MYH3: variants seen among roughly 807,000 people sequenced by gnomAD.
MYH3 encodes myosin heavy chain 3.
Under a neutral mutation model 238.0 loss-of-function variants are expected in MYH3, and 130 were observed. The ratio of observed to expected loss-of-function variants is 0.55; its 90% CI spans 0.47 to 0.63. The LOEUF is 0.63. Among genes scored for constraint, MYH3 ranks in the 30% least tolerant of loss-of-function variants. The pLI, the probability that MYH3 is intolerant of heterozygous loss-of-function variation, is 0.00. For synonymous variants in MYH3, 880 were observed against 924.1 expected (o/e 0.95, Z 0.86); for missense variants, 1,853 against 2,374.9 (o/e 0.78, Z 4.57).
upstream of MYH3, among the ~76,000 whole-genome samples, chr17:10,660,480 C>T (rs915802246): frequency 1.3e-5 from 2 of 148,708 alleles, no homozygotes; most frequent in African/African-American, 5.0e-5. Context: ...TCGATACCAT[C>T]CTGGCTAACA....
At chr17:10,663,822 G>C in the MYH3 span, among the ~76,000 whole-genome samples, 3 of 152,172 alleles carry the variant, frequency 2.0e-5, no homozygotes, top group Admixed American at 6.5e-5. Flanking sequence ...CAGCACTTTG[G>C]GAGGCCGAGA....
rs1198015651 is a variant in MYH3, at chr17:10,640,679, C to T, written c.2173G>A (p.Val725Met). 1.2e-6 allele frequency: 2 copies of T among 1,614,134 alleles called. No individual in the cohort carries two copies. The highest frequency in any genetic ancestry group is 2.2e-5 in the South Asian group (2 of 91,084). Residue 725 changes from valine to methionine, a missense_variant, in exon 20 of 41, where the codon GTG becomes ATG. Physicochemically the swap from Val to Met is conservative, Grantham distance 21. Transcript: ENST00000583535. ...LYGDFKQRYRVLNASAIPEGQ... is the reference protein window; with the variant it reads ...LYGDFKQRYRMLNASAIPEGQ... ...TCAGGGATTGCACTGGCATTCAGCACTCGGTATCTGCATTGTAGACATGGA... is the reference window on the plus strand; with the variant it reads ...TCAGGGATTGCACTGGCATTCAGCATTCGGTATCTGCATTGTAGACATGGA...
chr17:10,634,593 G>C (rs2074195725), intron 31 of MYH3, among the ~76,000 whole-genome samples: 1 of 152,164 alleles, frequency 6.6e-6, no homozygotes, highest in African/African-American at 2.4e-5. Flanking sequence ...AAATGCTTAG[G>C]ACTGCACGGA....
intron 34 of MYH3, 27 bp downstream of exon 34, chr17:10,632,449 G>GT: frequency 6.2e-7 from 1 of 1,608,052 alleles, no homozygotes; most frequent in Non-Finnish European, 8.5e-7. Context: ...GAGGAGAGAG[G>GT]TTTTTCCCCG....
chr17:10,635,344 T>C (rs2074203715), intron 30 of MYH3, 23 bp downstream of exon 30: 1 of 1,613,920 alleles, frequency 6.2e-7, no homozygotes, highest in South Asian at 1.1e-5. Context: ...GTAGTTCTTC[T>C]AAAAGCAAAC....
intron 36 of MYH3, 135 bp downstream of exon 36, chr17:10,631,476 G>T: frequency 7.8e-7 from 1 of 1,289,038 alleles, no homozygotes; most frequent in Non-Finnish European, 1.1e-6. Context: ...GGGAGTTTGA[G>T]CGGAGATGGG....
At chr17:10,652,142 C>G in intron 4 of MYH3, 1 of 491,868 alleles carries the variant, frequency 2.0e-6, no homozygotes, top group Non-Finnish European at 3.7e-6. Flanking sequence ...AGGGGAGTGG[C>G]GACCCTCCCA....
Position 10,638,465 on chromosome 17 carries a change from T to C in MYH3, c.3340-33A>G, listed in dbSNP as rs761382133. The C allele has an allele frequency of 6.3e-6, 10 of 1,599,370 alleles. No individual in the cohort carries two copies. The East Asian group carries it at 2.0e-4, about 32-fold the overall frequency. The stretch of plus-strand genomic sequence containing the variant: ...GGGCAGCCGTTCACCCCGTGGGCAG[T>C]GGGTTCACCGCGGGGACTCTGATTG... On this transcript the variant is annotated intron_variant, in intron 26 of 40. Transcript: ENST00000583535.
chr17:10,641,875 T>G (rs1228237511), intron 17 of MYH3, among the ~76,000 whole-genome samples: 2 of 152,114 alleles, frequency 1.3e-5, no homozygotes, highest in Non-Finnish European at 2.9e-5. Flanking sequence ...TACAATTGTC[T>G]TTTGTCTCCC....
Position 10,654,889 on chromosome 17 carries a change from T to A in MYH3, c.176A>T (p.Lys59Met). 1 of 1,614,190 alleles carries A rather than the reference T, an allele frequency of 6.2e-7. No homozygotes were observed. Among genetic ancestry groups the A allele is most frequent in the Non-Finnish European group, 8.5e-7 (1 of 1,180,020 alleles). The change falls in exon 3 of 41, where the codon AAG becomes ATG. Residue 59 changes from lysine (K) to methionine (M), a missense_variant. Lys to Met is a moderately conservative substitution (Grantham distance 95, BLOSUM62 -1). Transcript: ENST00000583535. This position sits in a 1 kb window ranked among gnomAD's most constrained non-coding sequence, Gnocchi z 4.5. ...KGKIKSSQDG[K>M]VTVETEDNRT... is the part of the protein sequence containing the mutation. ...GTTGTCCTCAGTTTCCACAGTGACCTTCCCATCCTGAGAACTCTTGATTTT... is the reference window on the plus strand; with the variant it reads ...GTTGTCCTCAGTTTCCACAGTGACCATCCCATCCTGAGAACTCTTGATTTT...
chr17:10,664,522 G>A, the MYH3 span, among the ~76,000 whole-genome samples: 5 of 152,326 alleles, frequency 3.3e-5, no homozygotes, highest in South Asian at 6.2e-4. Flanking sequence ...GTTAATCAGA[G>A]TAAATTTCCT....
the MYH3 span, chr17:10,677,526 GAAC>G: frequency 6.6e-6 from 1 of 152,204 alleles, no homozygotes; most frequent in South Asian, 2.1e-4. Context: ...ATAAATTTAA[GAAC>G]AATAAAAGCT....
upstream of MYH3, among the ~76,000 whole-genome samples, chr17:10,660,749 G>A (rs530001825): frequency 7.3e-5 from 11 of 151,536 alleles, no homozygotes; most frequent in Admixed American, 2.0e-4. Flanking sequence ...GGGAGGCCAA[G>A]GCGGGTGGAT....
chr17:10,635,732 T>C lies in MYH3; in HGVS notation c.3975+3A>G. The stretch of plus-strand genomic sequence containing the variant: ...GCAAAGAAGTCTTCCTTCAATGGTG[T>C]ACCTTGTTCTCTTCCTCCAGCTGCC... On this transcript the variant is annotated splice_donor_region_variant and intron_variant, in intron 29 of 40. Transcript: ENST00000583535. The C allele has an allele frequency of 1.2e-6, 2 of 1,613,476 alleles. No homozygotes were observed. Among genetic ancestry groups the C allele is most frequent in the Non-Finnish European group, 8.5e-7 (1 of 1,179,360 alleles).
rs1209110140 is a variant in MYH3 at position 10,642,654 on chromosome 17, T to C, written c.1651A>G (p.Asn551Asp). The C allele has an allele frequency of 6.2e-7, 1 of 1,614,242 alleles. No homozygotes were observed. The highest frequency in any genetic ancestry group is 1.1e-5 in the South Asian group (1 of 91,088). Reference protein sequence around the residue: ...FPKATDTSFKNKLYDQHLGKS... With the variant: ...FPKATDTSFKDKLYDQHLGKS... Reference sequence around the variant, plus strand: ...CCAAGATGCTGGTCATACAGCTTGTTCTTGAAGGAGGTGTCTGTTGCCTTG... The same window carrying C: ...CCAAGATGCTGGTCATACAGCTTGTCCTTGAAGGAGGTGTCTGTTGCCTTG... The change falls in exon 16 of 41, where the codon AAC (asparagine) becomes GAC (aspartate). Residue 551 changes from asparagine to aspartate, a missense_variant. By Grantham distance (23) the Asn-to-Asp change is conservative. This residue lies in a region of MYH3 where 678 missense variants were observed against 1,058.9 expected (regional missense o/e 0.64). Transcript: ENST00000583535. This position sits in a 1 kb window ranked among gnomAD's most constrained non-coding sequence, Gnocchi z 5.4.
At position 10,640,419 on chromosome 17, in the gene MYH3, G is replaced by GT; in HGVS notation, c.2339dup (p.Asp780GlufsTer68). On this transcript the variant is annotated frameshift_variant, in exon 21 of 41. Coordinates refer to ENST00000583535, the MANE Select transcript of MYH3 (RefSeq NM_002470.4). LOFTEE classifies it high-confidence loss of function. Reference sequence around the variant, plus strand: ...TCCGGGTGATTAGTTTGGCCAGGCGGTCATCCCGCATCTCTTCCAGGGTTC... The same window carrying GT: ...TCCGGGTGATTAGTTTGGCCAGGCGGTTCATCCCGCATCTCTTCCAGGGTTC... 2 of 1,614,216 alleles carry GT rather than the reference G, an allele frequency of 1.2e-6. No individual in the cohort carries two copies. The highest frequency in any genetic ancestry group is 1.7e-6 in the Non-Finnish European group (2 of 1,180,042).
intron 12 of MYH3, among the ~76,000 whole-genome samples, chr17:10,645,210 G>A (rs1221083152): frequency 1.3e-5 from 2 of 151,996 alleles, no homozygotes; most frequent in Non-Finnish European, 2.9e-5. Flanking sequence ...CAAGGCAGGC[G>A]AATCATTTGA....
At position 10,642,881 on chromosome 17, in the gene MYH3, C is replaced by G; in HGVS notation, c.1526G>C (p.Trp509Ser). Residue 509 changes from tryptophan (W) to serine (S), a missense_variant, in exon 15 of 41, where the codon TGG becomes TCG. By Grantham distance (177) the Trp-to-Ser change is radical. Coordinates refer to ENST00000583535, the MANE Select transcript of MYH3 (RefSeq NM_002470.4). The surrounding 1 kb of genome is among the most constrained non-coding windows in gnomAD (Gnocchi z 5.4). Reference protein sequence around the residue: ...QEEYKKEGIEWTFIDFGMDLA... With the variant: ...QEEYKKEGIESTFIDFGMDLA... ...GTCCATCCCGAAGTCAATGAACGTCCACTCGATGCCTTCCTTCTTGTACTC... is the reference window on the plus strand; with the variant it reads ...GTCCATCCCGAAGTCAATGAACGTCGACTCGATGCCTTCCTTCTTGTACTC... The G allele has an allele frequency of 6.2e-7, 1 of 1,614,192 alleles. No individual in the cohort carries two copies. The highest frequency in any genetic ancestry group is 8.5e-7 in the Non-Finnish European group (1 of 1,180,036).
chr17:10,651,928 A>T (rs1203243077), intron 4 of MYH3: 5 of 448,456 alleles, frequency 1.1e-5, no homozygotes, highest in Non-Finnish European at 2.0e-5. Context: ...ATTTTAGTAG[A>T]GATGGGGCTT....
Sources: gnomAD v4.1 joint callset for allele counts (sites outside exome capture counted in the v4.1 genomes callset) on GRCh38, gnomAD v4.1.1 for gene constraint, gnomAD v4.1.1 regional missense constraint, Gnocchi (gnomAD v3.1) non-coding constraint, MANE v1.5 for transcripts, NCBI Gene and HGNC (gene_info 2026-07-23, HGNC 2026-07-21) for gene names.